MCOLN1: variants seen among roughly 807,000 people sequenced by gnomAD.
The protein encoded by MCOLN1 is mucolipin TRP cation channel 1.
A neutral mutation model predicts 70.3 loss-of-function variants in MCOLN1; 50 were observed. The ratio of observed to expected loss-of-function variants is 0.71; its 90% CI spans 0.57 to 0.90. The LOEUF is 0.90. Ranked by LOEUF, MCOLN1 falls within the 40% of genes least tolerant of loss-of-function variation. MCOLN1 has a pLI of 0.00. For synonymous variants in MCOLN1, 366 were observed against 341.0 expected, an observed-to-expected ratio of 1.07 and a Z score of -0.81; for missense variants, 598 against 803.5, an observed-to-expected ratio of 0.74 and a Z score of 3.09.
In MCOLN1 at chr19:7,528,710, C is replaced by G; in HGVS notation, c.984+7C>G. ...AGGCTTCCTGCTGCAGAACGTGAGG[C>G]TTCTGCGTCATGTGTGCTGGTGTCC... On this transcript the variant is annotated splice_region_variant and intron_variant, in intron 8 of 13. Coordinates refer to ENST00000264079, the MANE Select transcript of MCOLN1 (RefSeq NM_020533.3). This position sits in a 1 kb window ranked among gnomAD's most constrained non-coding sequence, Gnocchi z 4.2. 6.2e-7 allele frequency: 1 copy of G among 1,614,214 alleles called. No homozygotes were observed. Among genetic ancestry groups the G allele is most frequent in the African/African-American group, 1.3e-5 (1 of 75,070 alleles).
chr19:7,524,946 C>G lies in MCOLN1; in HGVS notation c.32-15C>G. On this transcript the variant is annotated splice_polypyrimidine_tract_variant and intron_variant, in intron 1 of 13. Transcript: ENST00000264079. This position sits in a 1 kb window ranked among gnomAD's most constrained non-coding sequence, Gnocchi z 4.1. ...TGCCCAGGCCTCACCCCAGTGCCCTCTCCTATTCCCACAGAGACCGAGCGG... is the reference window on the plus strand; with the variant it reads ...TGCCCAGGCCTCACCCCAGTGCCCTGTCCTATTCCCACAGAGACCGAGCGG... 6.2e-7 allele frequency: 1 copy of G among 1,612,148 alleles called. No individual in the cohort carries two copies. The highest frequency in any genetic ancestry group is 8.5e-7 in the Non-Finnish European group (1 of 1,179,056).
chr19:7,530,570 G>A lies in MCOLN1; in HGVS notation c.1575+69G>A, dbSNP rs141657649. 63,420 of 1,372,660 alleles carry A rather than the reference G, an allele frequency of 0.046. 1,770 individuals are homozygous for A. Among genetic ancestry groups the A allele is most frequent in the South Asian group, 0.082 (7,090 of 86,176 alleles). The allele number at this position is 1,372,660 out of a possible 1,614,324, so 85.0% of individuals were successfully genotyped here. On this transcript the variant is annotated intron_variant, in intron 12 of 13. Transcript: ENST00000264079. ...CTGGAGTCTGCCATGAGGGGGTCTT[G>A]GGGACACCGCAGGGTGAACAGAGAA...
At chr19:7,529,511 T>TTGGTGGC in intron 10 of MCOLN1, 79 bp from the exon 11 acceptor site, 1 of 370,414 alleles carries the variant, frequency 2.7e-6, no homozygotes, top group Non-Finnish European at 4.5e-6. Flanking sequence ...GCCCCGCCCC[T>TTGGTGGC]CCCACCCCCA....
At chr19:7,529,529 G>GGC in intron 10 of MCOLN1, 61 bp from the exon 11 acceptor site, 3 of 1,481,548 alleles carry the variant, frequency 2.0e-6, no homozygotes, top group Non-Finnish European at 2.8e-6. Flanking sequence ...CCATCTGGGT[G>GGC]CCCACAGCTG....
intron 13 of MCOLN1, 34 bp from the exon 14 acceptor site, chr19:7,533,725 A>G: frequency 6.2e-7 from 1 of 1,614,096 alleles, no homozygotes. Flanking sequence ...GCCAGAGAAA[A>G]CTGACGCCCC....
rs745766983 is a variant in MCOLN1, at chr19:7,530,357, C to T, written c.1431C>T (p.Phe477=). 3 of 1,613,764 alleles carry T rather than the reference C, an allele frequency of 1.9e-6. No homozygotes were observed. The highest frequency in any genetic ancestry group is 2.5e-6 in the Non-Finnish European group (3 of 1,180,040). Residue 477 remains phenylalanine (F), a synonymous_variant, in exon 12 of 14, where the codon TTC becomes TTT. Transcript: ENST00000264079. The stretch of plus-strand genomic sequence containing the variant: ...ATGGGGACGACATGTTTGTGACGTT[C>T]GCCGCCATGCAGGCGCAGCAGGGCC... ...LINGDDMFVT[F]AAMQAQQGRS...
Position 7,522,655 on chromosome 19 carries a change from C to G in MCOLN1, c.-96C>G, listed in dbSNP as rs2022509867. The G allele has an allele frequency of 8.3e-6, 11 of 1,322,360 alleles. No individual in the cohort carries two copies. The highest frequency in any genetic ancestry group is 1.1e-5 in the Non-Finnish European group (11 of 1,002,022). 81.9% of individuals were successfully genotyped at this position (1,322,360 alleles called of 1,614,324 possible). A position where few individuals can be genotyped will look rare whatever the true frequency, so the allele number is the denominator to read the frequency against. ...CAGCTGATGCCGGAGGGTTTGAAGCCGCGCCGCGAGGGAGCGAGGTCGCAG... is the reference window on the plus strand; with the variant it reads ...CAGCTGATGCCGGAGGGTTTGAAGCGGCGCCGCGAGGGAGCGAGGTCGCAG... On this transcript the variant is annotated 5_prime_UTR_variant, in exon 1 of 14. Transcript: ENST00000264079.
At position 7,527,622 on chromosome 19, in the gene MCOLN1, T is replaced by G; in HGVS notation, c.674T>G (p.Phe225Cys). The change falls in exon 5 of 14, where the codon TTC becomes TGC. Residue 225 changes from phenylalanine (F) to cysteine (C), a missense_variant. Transcript: ENST00000264079. ...SSSYKNLTLK[F>C]HKLVNVTIHF... ...AGTTACAAGAACCTCACGCTCAAATTCCACAAGTACTGCCTGCTCACTCGA... is the reference window on the plus strand; with the variant it reads ...AGTTACAAGAACCTCACGCTCAAATGCCACAAGTACTGCCTGCTCACTCGA... 6.2e-7 allele frequency: 1 copy of G among 1,609,066 alleles called. No homozygotes were observed. Among genetic ancestry groups the G allele is most frequent in the Non-Finnish European group, 8.5e-7 (1 of 1,175,456 alleles).
intron 1 of MCOLN1, among the ~76,000 whole-genome samples, chr19:7,523,160 C>T (rs1023994774): frequency 6.6e-6 from 1 of 152,244 alleles, no homozygotes; most frequent in Non-Finnish European, 1.5e-5. Context: ...CAGGCTTCCC[C>T]TCCTGATTCC....
chr19:7,530,488 A>G lies in MCOLN1; in HGVS notation c.1562A>G (p.Tyr521Cys), dbSNP rs780154505. ...SLFIALITGA[Y>C]DTIKHPGGAG... ...TTCATCGCGCTCATCACCGGCGCCT[A>G]CGACACCATCAAGGTCAGCCGCATG... The change falls in exon 12 of 14, where the codon TAC becomes TGC. Residue 521 changes from tyrosine (Y) to cysteine (C), a missense_variant. By Grantham distance (194) the Tyr-to-Cys change is radical (BLOSUM62 -2). Around this residue, in one of 3 missense-constraint regions of MCOLN1, gnomAD observed 78 missense variants for 156.2 expected, o/e 0.50. Coordinates refer to ENST00000264079, the MANE Select transcript of MCOLN1 (RefSeq NM_020533.3). The G allele has an allele frequency of 1.2e-6, 2 of 1,609,856 alleles. No homozygotes were observed. The highest frequency in any genetic ancestry group is 1.1e-5 in the South Asian group (1 of 91,086).
intron 11 of MCOLN1, among the ~76,000 whole-genome samples, 159 bp downstream of exon 11, chr19:7,529,871 A>C (rs1343820297): frequency 6.6e-6 from 1 of 152,132 alleles, no homozygotes; most frequent in Non-Finnish European, 1.5e-5. Context: ...TTGTTGTCAC[A>C]GTTGTTGATG....
At chr19:7,532,372 A>C (rs775270282) in intron 12 of MCOLN1, among the ~76,000 whole-genome samples, 1 of 151,994 alleles carries the variant, frequency 6.6e-6, no homozygotes, top group Admixed American at 6.6e-5. Context: ...AGAATGTTCT[A>C]TCCATCACTA....
chr19:7,530,414 C>G lies in MCOLN1; in HGVS notation c.1488C>G (p.Leu496=). 1 of 1,613,756 alleles carries G rather than the reference C, an allele frequency of 6.2e-7. No homozygotes were observed. Among genetic ancestry groups the G allele is most frequent in the South Asian group, 1.1e-5 (1 of 91,084 alleles). The part of the protein sequence containing the change: ...RSSLVWLFSQ[L]YLYSFISLFI... ...GCCTGGTGTGGCTCTTCTCCCAGCT[C>G]TACCTTTACTCCTTCATCAGCCTCT... The change falls in exon 12 of 14, where the codon CTC becomes CTG. Residue 496 remains leucine, a synonymous_variant. Coordinates refer to ENST00000264079, the MANE Select transcript of MCOLN1 (RefSeq NM_020533.3).
intron 1 of MCOLN1, among the ~76,000 whole-genome samples, chr19:7,523,929 A>G (rs1816551095): frequency 6.6e-6 from 1 of 151,608 alleles, no homozygotes; most frequent in African/African-American, 2.4e-5. Context: ...TCATTGTAAC[A>G]TCGAACTCCT....
In MCOLN1 at chr19:7,527,944, A is replaced by G; in HGVS notation, c.761A>G (p.Tyr254Cys). The change falls in exon 6 of 14, where the codon TAT (tyrosine) becomes TGT (cysteine). Residue 254 changes from tyrosine to cysteine, a missense_variant. Tyr to Cys is a radical substitution (Grantham distance 194). This residue lies in a region of MCOLN1 where 461 missense variants were observed against 588.4 expected (regional missense o/e 0.78). Transcript: ENST00000264079. Reference protein sequence around the residue: ...SLINNEIPDCYTFSVLITFDN... With the variant: ...SLINNEIPDCCTFSVLITFDN... ...ATCAATAATGAGATCCCGGACTGCT[A>G]TACCTTCAGCGTCCTGGTGAGGCCC... 2 of 1,614,010 alleles carry G rather than the reference A, an allele frequency of 1.2e-6. No homozygotes were observed. Among genetic ancestry groups the G allele is most frequent in the Non-Finnish European group, 1.7e-6 (2 of 1,179,872 alleles).
In MCOLN1 at chr19:7,527,564, A is replaced by C. The variant is rs1184973278; in HGVS notation, c.616A>C (p.Ser206Arg). 5.0e-6 allele frequency: 8 copies of C among 1,593,702 alleles called. No individual in the cohort carries two copies. The highest frequency in any genetic ancestry group is 6.9e-6 in the Non-Finnish European group (8 of 1,163,536). ...CCCCGAGCGGCCCCCTCCGCCCCCC[A>C]GCGACGATCTCACCCTCTTGGAAAG... Reference protein sequence around the residue: ...DPPERPPPPPSDDLTLLESSS... With the variant: ...DPPERPPPPPRDDLTLLESSS... The change falls in exon 5 of 14, where the codon AGC becomes CGC. Residue 206 changes from serine to arginine, a missense_variant. Coordinates refer to ENST00000264079, the MANE Select transcript of MCOLN1 (RefSeq NM_020533.3).
Position 7,530,281 on chromosome 19 carries a change from G to A in MCOLN1, c.1360-5G>A. On this transcript the variant is annotated splice_polypyrimidine_tract_variant and splice_region_variant and intron_variant, in intron 11 of 13. Transcript: ENST00000264079. ...CTCCCTCTGACCCCGCCGCCCCTCT[G>A]GCAGTTCCGCTCACTCTCCATGGTG... 1 of 1,611,932 alleles carries A rather than the reference G, an allele frequency of 6.2e-7. No individual in the cohort carries two copies. Among genetic ancestry groups the A allele is most frequent in the Non-Finnish European group, 8.5e-7 (1 of 1,179,772 alleles).
At chr19:7,523,139 C>T (rs961183844) in intron 1 of MCOLN1, among the ~76,000 whole-genome samples, 1 of 152,220 alleles carries the variant, frequency 6.6e-6, no homozygotes, top group Admixed American at 6.5e-5. Flanking sequence ...CCAACCCGCA[C>T]GTGAGACTCC....
At position 7,522,707 on chromosome 19, in the gene MCOLN1, G is replaced by C. The variant is rs1196093599; in HGVS notation, c.-44G>C. ...GACAGCGGCGGGCGATCGGACCCAGGCTGCCCCGCCGTACCCGCCTGCGTC... is the reference window on the plus strand; with the variant it reads ...GACAGCGGCGGGCGATCGGACCCAGCCTGCCCCGCCGTACCCGCCTGCGTC... On this transcript the variant is annotated 5_prime_UTR_variant, in exon 1 of 14. Transcript: ENST00000264079. 7.0e-7 allele frequency: 1 copy of C among 1,437,802 alleles called. No homozygotes were observed. The highest frequency in any genetic ancestry group is 2.5e-5 in the Admixed American group (1 of 40,398). 89.1% of individuals were successfully genotyped at this position (1,437,802 alleles called of 1,614,324 possible).
Sources: allele counts gnomAD v4.1 joint callset (sites outside exome capture counted in the v4.1 genomes callset), GRCh38; gene constraint gnomAD v4.1.1; regional missense constraint gnomAD v4.1.1; non-coding constraint Gnocchi (gnomAD v3.1); transcripts MANE v1.5; gene names NCBI Gene and HGNC (gene_info 2026-07-23, HGNC 2026-07-21).